Variants in SLC17A7 observed in about 807,000 individuals in gnomAD.
SLC17A7 encodes the protein vesicular glutamate transporter 1.
In SLC17A7, 15 loss-of-function variants were observed where a neutral mutation model predicts 59.1. The observed-to-expected ratio is 0.25, with a 90% confidence interval of 0.17 to 0.39. The LOEUF (loss-of-function observed/expected upper bound fraction) is 0.39, where lower values mean the gene tolerates loss of function less well. SLC17A7 is among the 10% of genes least tolerant of loss of function. The pLI, the probability that SLC17A7 is intolerant of heterozygous loss-of-function variation, is 1.00. For synonymous variants in SLC17A7, 353 were observed against 308.9 expected, an observed-to-expected ratio of 1.14 and a Z score of -1.50; for missense variants, 499 against 765.1, an observed-to-expected ratio of 0.65 and a Z score of 4.10.
Position 49,441,410 on chromosome 19 carries a change from G to T in SLC17A7, c.-31C>A. 1 of 1,480,166 alleles carries T rather than the reference G, an allele frequency of 6.8e-7. No individual in the cohort carries two copies. The highest frequency in any genetic ancestry group is 9.0e-7 in the Non-Finnish European group (1 of 1,116,994). 91.7% of individuals were successfully genotyped at this position (1,480,166 alleles called of 1,614,324 possible). ...CGGCTCCTGCCGCCGGTCACCCCGC[G>T]GGTCCCCCCCGCCGATCCCCCCGCC... On this transcript the variant is annotated 5_prime_UTR_variant, in exon 1 of 12. Transcript: ENST00000221485.
In SLC17A7 at chr19:49,430,597, A is replaced by AG; in HGVS notation, c.1604dup (p.Ala536CysfsTer48). On this transcript the variant is annotated frameshift_variant, in exon 12 of 12. Transcript: ENST00000221485. LOFTEE classifies it high-confidence loss of function. ...TGGCCCCATAGGAGGGCGGGGGTGCAGGGGGTGCCCCCGGGGGCTCAGCCT... is the reference window on the plus strand; with the variant it reads ...TGGCCCCATAGGAGGGCGGGGGTGCAGGGGGGTGCCCCCGGGGGCTCAGCCT... 2 of 1,608,594 alleles carry AG rather than the reference A, an allele frequency of 1.2e-6. No homozygotes were observed. The highest frequency in any genetic ancestry group is 2.2e-5 in the East Asian group (1 of 44,626).
chr19:49,430,383 G>A lies in SLC17A7; in HGVS notation c.*136C>T. 1.6e-6 allele frequency: 1 copy of A among 619,070 alleles called. No homozygotes were observed. Among genetic ancestry groups the A allele is most frequent in the Non-Finnish European group, 2.8e-6 (1 of 363,110 alleles). 38.3% of individuals were successfully genotyped at this position (619,070 alleles called of 1,614,324 possible). A position where few individuals can be genotyped will look rare whatever the true frequency, so the allele number is the denominator to read the frequency against. On this transcript the variant is annotated 3_prime_UTR_variant, in exon 12 of 12. Transcript: ENST00000221485. ...ATTGGGAAGGAAAGAGGATTTGACA[G>A]CACTGGGAACAAGGGAGAGTGCTTC...
At chr19:49,434,520 C>G in intron 5 of SLC17A7, 82 bp downstream of exon 5, 1 of 1,257,240 alleles carries the variant, frequency 8.0e-7, no homozygotes, top group Admixed American at 2.4e-5. Context: ...GCCCCCCCAG[C>G]CCCTCCCCGC....
At chr19:49,434,990 C>A (rs1600986583) in intron 3 of SLC17A7, 108 bp from the exon 4 acceptor site, 2 of 1,126,524 alleles carry the variant, frequency 1.8e-6, no homozygotes, top group Non-Finnish European at 2.7e-6. Flanking sequence ...GACCCCAGGT[C>A]CCACCACCTC....
At position 49,431,916 on chromosome 19, in the gene SLC17A7, G is replaced by A. The variant is rs1049734757; in HGVS notation, c.1151-468C>T. Among the ~76,000 whole-genome samples, 5 of 152,162 alleles carry A rather than the reference G, an allele frequency of 3.3e-5. No individual in the cohort carries two copies. Among genetic ancestry groups the A allele is most frequent in the African/African-American group, 9.7e-5 (4 of 41,440 alleles). ...CGCCTCCGAAAGTGCTGGGATAACA[G>A]GGGTTAGCCACCATGCCCTGCCTGT... On this transcript the variant is annotated intron_variant, in intron 9 of 11. Coordinates refer to ENST00000221485, the MANE Select transcript of SLC17A7 (RefSeq NM_020309.4). The surrounding 1 kb of genome is among the most constrained non-coding windows in gnomAD (Gnocchi z 4.6).
rs987464218 is a variant in SLC17A7 at position 49,430,977 on chromosome 19, C to T, written c.1389+38G>A. The T allele has an allele frequency of 3.8e-6, 6 of 1,583,030 alleles. No homozygotes were observed. In the Admixed American group the frequency reaches 5.1e-5, roughly 14 times the overall value. On this transcript the variant is annotated intron_variant, in intron 11 of 11. Transcript: ENST00000221485. Reference sequence around the variant, plus strand: ...CGTGGTCAGTTAGGTACGAAGCACACACTTGGAGGCAGACTGAGTCAGGAC... The same window carrying T: ...CGTGGTCAGTTAGGTACGAAGCACATACTTGGAGGCAGACTGAGTCAGGAC...
At chr19:49,432,231 C>T (rs1022078843) in intron 9 of SLC17A7, among the ~76,000 whole-genome samples, 8 of 152,316 alleles carry the variant, frequency 5.3e-5, no homozygotes, top group Middle Eastern at 3.4e-3. Flanking sequence ...CAACTTTGTG[C>T]AGGTCTTGTC....
At position 49,430,575 on chromosome 19, in the gene SLC17A7, C is replaced by T. The variant is rs142784861; in HGVS notation, c.1627G>A (p.Ala543Thr). 6.0e-5 allele frequency: 97 copies of T among 1,610,206 alleles called. No individual in the cohort carries two copies. The Middle Eastern group carries it at 6.6e-4, about 11-fold the overall frequency. Residue 543 changes from alanine (A) to threonine (T), a missense_variant, in exon 12 of 12, where the codon GCC (alanine) becomes ACC (threonine). By Grantham distance (58) the Ala-to-Thr change is moderately conservative. Transcript: ENST00000221485. ...APPAPPPSYG[A>T]THSTFQPPRP... ...GGGGGCTGAAATGTGCTGTGTGTGG[C>T]CCCATAGGAGGGCGGGGGTGCAGGG... is the stretch of plus-strand genomic sequence containing the variant.
chr19:49,432,482 G>A, intron 9 of SLC17A7, 37 bp downstream of exon 9: 1 of 1,598,782 alleles, frequency 6.3e-7, no homozygotes, highest in Non-Finnish European at 8.5e-7. Flanking sequence ...CTCCACCCAG[G>A]CTGTCCTAGA....
chr19:49,437,692 AGG>A (rs2078984878), intron 1 of SLC17A7: 1 of 152,300 alleles, frequency 6.6e-6, no homozygotes, highest in Admixed American at 6.6e-5. Flanking sequence ...ACCCAGAGAG[AGG>A]GAGAGAGAAT....
chr19:49,431,121 T>C lies in SLC17A7; in HGVS notation c.1283A>G (p.Asp428Gly). The change falls in exon 11 of 12, where the codon GAC becomes GGC. Residue 428 changes from aspartate (D) to glycine (G), a missense_variant. Physicochemically the swap from Asp to Gly is moderately conservative, Grantham distance 94. Coordinates refer to ENST00000221485, the MANE Select transcript of SLC17A7 (RefSeq NM_020309.4). This position sits in a 1 kb window ranked among gnomAD's most constrained non-coding sequence, Gnocchi z 4.6. ...GATGCTGGCGTAGCGCGGGGCTATG[T>C]CCAGGTGGTTCACGTTGAACCCTGG... ...AISGFNVNHL[D>G]IAPRYASILM... The C allele has an allele frequency of 6.2e-7, 1 of 1,613,774 alleles. No individual in the cohort carries two copies. The highest frequency in any genetic ancestry group is 8.5e-7 in the Non-Finnish European group (1 of 1,179,892).
intron 1 of SLC17A7, among the ~76,000 whole-genome samples, chr19:49,439,219 C>T (rs967455060): frequency 2.0e-5 from 3 of 152,162 alleles, no homozygotes; most frequent in Non-Finnish European, 4.4e-5. Flanking sequence ...GTCCACTCCC[C>T]CACGTCTTTG....
In SLC17A7 at chr19:49,436,284, T is replaced by C. The variant is rs962430156; in HGVS notation, c.315+265A>G. 1.5e-4 allele frequency: 78 copies of C among 526,468 alleles called. No homozygotes were observed. Among genetic ancestry groups the C allele is most frequent in the Middle Eastern group, 1.0e-3 (2 of 2,002 alleles). The allele number at this position is 526,468 out of a possible 1,614,324, so 32.6% of individuals were successfully genotyped here. The stretch of plus-strand genomic sequence containing the variant: ...CAGGGGCAACCCCTAGGGAACCTGA[T>C]GTTGGGGCGGACTCTACATTTTTCA... On this transcript the variant is annotated intron_variant, in intron 2 of 11. Coordinates refer to ENST00000221485, the MANE Select transcript of SLC17A7 (RefSeq NM_020309.4). The surrounding 1 kb of genome is among the most constrained non-coding windows in gnomAD (Gnocchi z 4.1).
Position 49,430,698 on chromosome 19 carries a change from C to G in SLC17A7, c.1504G>C (p.Glu502Gln), listed in dbSNP as rs1164770758. Residue 502 changes from glutamate to glutamine, a missense_variant, in exon 12 of 12, where the codon GAG (glutamate) becomes CAG (glutamine). By Grantham distance (29) the Glu-to-Gln change is conservative. Around this residue, in one of 3 missense-constraint regions of SLC17A7, gnomAD observed 323 missense variants for 607.2 expected, o/e 0.53. Transcript: ENST00000221485. ...GEKQPWAEPE[E>Q]MSEEKCGFVG... ...AAGCCACACTTCTCCTCGCTCATCT[C>G]CTCAGGCTCTGCCCACGGCTGCTTC... The G allele has an allele frequency of 5.0e-6, 8 of 1,614,132 alleles. No homozygotes were observed. Among genetic ancestry groups the G allele is most frequent in the Non-Finnish European group, 6.8e-6 (8 of 1,179,992 alleles).
rs773049247 is a variant in SLC17A7, at chr19:49,433,759, G to A, written c.834C>T (p.Ile278=). 4.3e-6 allele frequency: 7 copies of A among 1,613,978 alleles called. No individual in the cohort carries two copies. In the Admixed American group the frequency reaches 1.0e-4, roughly 23 times the overall value. Residue 278 remains isoleucine, a synonymous_variant, in exon 7 of 12, where the codon ATC becomes ATT. Coordinates refer to ENST00000221485, the MANE Select transcript of SLC17A7 (RefSeq NM_020309.4). This position sits in a 1 kb window ranked among gnomAD's most constrained non-coding sequence, Gnocchi z 5.7. The part of the protein sequence containing the change: ...EEERKYIEDA[I]GESAKLMNPL... ...GGTTCATGAGTTTCGCGCTCTCTCC[G>A]ATGGCGTCCTCGATGTACTTGCGCT...
chr19:49,433,884 G>C lies in SLC17A7; in HGVS notation c.725-16C>G. On this transcript the variant is annotated splice_polypyrimidine_tract_variant and intron_variant, in intron 6 of 11. Transcript: ENST00000221485. The surrounding 1 kb of genome is among the most constrained non-coding windows in gnomAD (Gnocchi z 5.7). The stretch of plus-strand genomic sequence containing the variant: ...CCGAAGCTGCCTGGGGGGGTCAGGA[G>C]GGGGATGGGAGCGAGGTGAGGACCG... The C allele has an allele frequency of 6.2e-7, 1 of 1,611,430 alleles. No homozygotes were observed. The highest frequency in any genetic ancestry group is 2.2e-5 in the East Asian group (1 of 44,808).
In SLC17A7 at chr19:49,430,705, C is replaced by T; in HGVS notation, c.1497G>A (p.Glu499=). The T allele has an allele frequency of 1.9e-6, 3 of 1,614,166 alleles. No homozygotes were observed. The highest frequency in any genetic ancestry group is 2.5e-6 in the Non-Finnish European group (3 of 1,180,018). ...FASGEKQPWA[E]PEEMSEEKCG... ...ACTTCTCCTCGCTCATCTCCTCAGGCTCTGCCCACGGCTGCTTCTCTCCAG... is the reference window on the plus strand; with the variant it reads ...ACTTCTCCTCGCTCATCTCCTCAGGTTCTGCCCACGGCTGCTTCTCTCCAG... Residue 499 remains glutamate (E), a synonymous_variant, in exon 12 of 12, where the codon GAG becomes GAA. Coordinates refer to ENST00000221485, the MANE Select transcript of SLC17A7 (RefSeq NM_020309.4).
intron 1 of SLC17A7, among the ~76,000 whole-genome samples, chr19:49,440,062 C>T (rs2078994509): frequency 6.6e-6 from 1 of 152,176 alleles, no homozygotes; most frequent in South Asian, 2.1e-4. Context: ...AGCTTCCCCT[C>T]CACCACCAAC....
Position 49,433,239 on chromosome 19 carries a change from T to C in SLC17A7, c.868-279A>G. On this transcript the variant is annotated intron_variant, in intron 7 of 11. Transcript: ENST00000221485. This position sits in a 1 kb window ranked among gnomAD's most constrained non-coding sequence, Gnocchi z 5.7. ...TCAGGGACCTGTCTTTTTCTTTTTT[T>C]CTTTTTATTTTTACTTTTTGTATTT... 4.2e-6 allele frequency: 2 copies of C among 481,582 alleles called. No individual in the cohort carries two copies. Among genetic ancestry groups the C allele is most frequent in the East Asian group, 7.6e-5 (2 of 26,354 alleles). 29.8% of individuals were successfully genotyped at this position (481,582 alleles called of 1,614,324 possible).
Sources: gnomAD v4.1 joint callset for allele counts (sites outside exome capture counted in the v4.1 genomes callset) on GRCh38, gnomAD v4.1.1 for gene constraint, gnomAD v4.1.1 regional missense constraint, Gnocchi (gnomAD v3.1) non-coding constraint, MANE v1.5 for transcripts, NCBI Gene and HGNC (gene_info 2026-07-23, HGNC 2026-07-21) for gene names.